The following TCF4 variants were observed in gnomAD, a reference collection of about 807,000 sequenced individuals.
The protein encoded by TCF4 is SL3-3 enhancer factor 2.
TCF4 carries 3 observed loss-of-function variants against 82.1 expected under a neutral mutation model. That is an observed-to-expected ratio of 0.04 (90% confidence interval 0.02 to 0.09). The LOEUF (loss-of-function observed/expected upper bound fraction) is 0.09, where lower values mean the gene tolerates loss of function less well. Among genes scored for constraint, TCF4 ranks in the 10% least tolerant of loss-of-function variants. TCF4 has a pLI of 1.00. For synonymous variants in TCF4, 276 were observed against 309.6 expected (o/e 0.89, Z 1.14); for missense variants, 518 against 852.7 (o/e 0.61, Z 4.89).
intron 4 of TCF4, among the ~76,000 whole-genome samples, chr18:55,461,432 T>C (rs993276592): frequency 1.3e-5 from 2 of 152,218 alleles, no homozygotes; most frequent in African/African-American, 4.8e-5. Flanking sequence ...ACAAAGTATA[T>C]TGCTTATGTT....
intron 3 of TCF4, among the ~76,000 whole-genome samples, chr18:55,577,032 A>C (rs1278408730): frequency 6.7e-6 from 1 of 149,360 alleles, no homozygotes; most frequent in East Asian, 1.9e-4. Flanking sequence ...ATGTCCTCTA[A>C]TTGCTAACAT....
chr18:55,456,561 C>T (rs1041056664), intron 5 of TCF4, among the ~76,000 whole-genome samples: 1 of 152,162 alleles, frequency 6.6e-6, no homozygotes, highest in Non-Finnish European at 1.5e-5. Context: ...TCAATCGATG[C>T]TCTGGAATAA....
chr18:55,623,177 A>G (rs2097723221), intron 2 of TCF4, among the ~76,000 whole-genome samples: 1 of 152,206 alleles, frequency 6.6e-6, no homozygotes, highest in African/African-American at 2.4e-5. Flanking sequence ...GATAGTTACC[A>G]TGGATGATTA....
intron 2 of TCF4, among the ~76,000 whole-genome samples, chr18:55,616,821 T>C: frequency 6.6e-6 from 1 of 152,134 alleles, no homozygotes; most frequent in Non-Finnish European, 1.5e-5. Flanking sequence ...AGGAGTTCCC[T>C]ATATACTTTT....
Position 55,362,155 on chromosome 18 carries a change from G to A in TCF4, c.370-11152C>T, listed in dbSNP as rs139301478. Among the ~76,000 whole-genome samples the A allele has an allele frequency of 3.4e-3, 511 of 152,012 alleles. 2 individuals are homozygous for A. The highest frequency in any genetic ancestry group is 7.7e-3 in the South Asian group (37 of 4,820). On this transcript the variant is annotated intron_variant, in intron 6 of 19. Transcript: ENST00000354452. The stretch of plus-strand genomic sequence containing the variant: ...TTCAGAACTTCAGCTCTAGTCAAAA[G>A]AAAATGGCCAGGTGTAATGGCTCAT...
intron 11 of TCF4, among the ~76,000 whole-genome samples, chr18:55,263,102 C>A (rs1427889940): frequency 6.6e-6 from 1 of 152,158 alleles, no homozygotes; most frequent in South Asian, 2.1e-4. Flanking sequence ...CGGTGCCCAG[C>A]CGATAATGTT....
intron 2 of TCF4, among the ~76,000 whole-genome samples, chr18:55,608,061 C>T (rs1320967667): frequency 2.0e-5 from 3 of 152,190 alleles, no homozygotes; most frequent in Non-Finnish European, 2.9e-5. Flanking sequence ...GTGCCACATG[C>T]TTCGTCTCAC....
intron 3 of TCF4, chr18:55,469,542 C>T (rs932017578): frequency 2.0e-5 from 3 of 152,198 alleles, no homozygotes; most frequent in Non-Finnish European, 4.4e-5. Context: ...ACCAAACACT[C>T]TATTTAGGGG....
chr18:55,317,041 A>C (rs990873536), intron 8 of TCF4, among the ~76,000 whole-genome samples: 14 of 152,112 alleles, frequency 9.2e-5, no homozygotes, highest in Non-Finnish European at 4.4e-5. Flanking sequence ...GCAGGAAGGC[A>C]AGATGTAGCC....
chr18:55,224,828 G>C lies in TCF4; in HGVS notation c.*3207C>G, dbSNP rs2046380107. 6.6e-6 allele frequency: 1 copy of C among 152,534 alleles called. No homozygotes were observed. Among genetic ancestry groups the C allele is most frequent in the Non-Finnish European group, 1.5e-5 (1 of 68,010 alleles). The allele number at this position is 152,534 out of a possible 1,614,324, so 9.4% of individuals were successfully genotyped here. ...TATTCTGCATATTCATAAATTACTT[G>C]AATGTGGAGGTGGATCAACTGCTCC... On this transcript the variant is annotated 3_prime_UTR_variant, in exon 20 of 20. Transcript: ENST00000354452.
chr18:55,630,201 A>G (rs2097730271), intron 2 of TCF4, among the ~76,000 whole-genome samples: 2 of 152,220 alleles, frequency 1.3e-5, no homozygotes, highest in Non-Finnish European at 2.9e-5. Context: ...ATATAGAATA[A>G]TAATGTGTTA....
intron 15 of TCF4, among the ~76,000 whole-genome samples, chr18:55,236,268 G>A (rs2049357159): frequency 6.6e-6 from 1 of 152,138 alleles, no homozygotes; most frequent in South Asian, 2.1e-4. Flanking sequence ...GCTCCCCGGT[G>A]CCTGTGTCGC....
chr18:55,292,418 T>G (rs2065299688), intron 8 of TCF4, among the ~76,000 whole-genome samples: 2 of 152,152 alleles, frequency 1.3e-5, no homozygotes, highest in South Asian at 4.1e-4. Flanking sequence ...TTCTCAGTGT[T>G]GATGAAATTA....
chr18:55,582,287 T>G (rs2097582992), intron 3 of TCF4, among the ~76,000 whole-genome samples: 1 of 152,114 alleles, frequency 6.6e-6, no homozygotes, highest in South Asian at 2.1e-4. Flanking sequence ...TGTTTTAAGA[T>G]CAATGATATA....
intron 3 of TCF4, among the ~76,000 whole-genome samples, chr18:55,581,105 TAA>T (rs757606623): frequency 3.3e-5 from 5 of 151,842 alleles, no homozygotes; most frequent in African/African-American, 4.8e-5. Flanking sequence ...GCTCCAAACC[TAA>T]AAAAGTTTTC....
Position 55,227,560 on chromosome 18 carries a change from C to T in TCF4, c.*475G>A, listed in dbSNP as rs2144339494. 1 of 152,472 alleles carries T rather than the reference C, an allele frequency of 6.6e-6. No homozygotes were observed. Among genetic ancestry groups the T allele is most frequent in the Non-Finnish European group, 1.5e-5 (1 of 68,014 alleles). The allele number at this position is 152,472 out of a possible 1,614,324, so 9.4% of individuals were successfully genotyped here. A position where few individuals can be genotyped will look rare whatever the true frequency, so the allele number is the denominator to read the frequency against. The stretch of plus-strand genomic sequence containing the variant: ...TCCAGTAATTATAAACACTAGCTGA[C>T]TTGAATACCAACAAAAACGTTCATG... On this transcript the variant is annotated 3_prime_UTR_variant, in exon 20 of 20. Coordinates refer to ENST00000354452, the MANE Select transcript of TCF4 (RefSeq NM_001083962.2).
chr18:55,478,565 G>A (rs959712465), intron 3 of TCF4, among the ~76,000 whole-genome samples: 2 of 152,062 alleles, frequency 1.3e-5, no homozygotes, highest in South Asian at 2.1e-4. Flanking sequence ...AAGAAACCGC[G>A]AAATCTGCAG....
intron 6 of TCF4, chr18:55,401,337 G>A (rs969851596): frequency 3.5e-6 from 4 of 1,154,498 alleles, no homozygotes; most frequent in Non-Finnish European, 4.3e-6. Flanking sequence ...TAAGCACAGA[G>A]ATAGTAGACT....
chr18:55,226,087 AAT>A lies in TCF4; in HGVS notation c.*1946_*1947del, dbSNP rs1358531356. 1.3e-5 allele frequency: 2 copies of A among 152,618 alleles called. No individual in the cohort carries two copies. The highest frequency in any genetic ancestry group is 2.9e-5 in the Non-Finnish European group (2 of 68,004). The allele number at this position is 152,618 out of a possible 1,614,324, so 9.5% of individuals were successfully genotyped here. A position where few individuals can be genotyped will look rare whatever the true frequency, so the allele number is the denominator to read the frequency against. On this transcript the variant is annotated 3_prime_UTR_variant, in exon 20 of 20. Transcript: ENST00000354452. Reference sequence around the variant, plus strand: ...ATAATAACAAGAGTCTACATGTAAAAATATAACTTTTACATACACAATTTCAA... The same window carrying A: ...ATAATAACAAGAGTCTACATGTAAAAATAACTTTTACATACACAATTTCAA...
Sources: gnomAD v4.1 joint callset for allele counts (sites outside exome capture counted in the v4.1 genomes callset) on GRCh38, gnomAD v4.1.1 for gene constraint, MANE v1.5 for transcripts, NCBI Gene and HGNC (gene_info 2026-07-23, HGNC 2026-07-21) for gene names.